COL5A2: variants seen among roughly 807,000 people sequenced by gnomAD.
COL5A2 encodes collagen type V alpha 2 chain.
COL5A2 carries 23 observed loss-of-function variants against 208.2 expected under a neutral mutation model. That is an observed-to-expected ratio of 0.11 (90% confidence interval 0.08 to 0.16). COL5A2 has a LOEUF of 0.16. COL5A2 is among the 10% of genes least tolerant of loss of function. The pLI is 1.00. For synonymous variants in COL5A2, 625 were observed against 628.5 expected (o/e 0.99, Z 0.08); for missense variants, 1,590 against 1,956.4 (o/e 0.81, Z 3.53).
At chr2:189,200,857 TC>T (rs1689060232) in intron 1 of COL5A2, among the ~76,000 whole-genome samples, 1 of 151,990 alleles carries the variant, frequency 6.6e-6, no homozygotes, top group African/African-American at 2.4e-5. Context: ...AATCAAAAAT[TC>T]TTTCCCCAGC....
At chr2:189,258,726 C>T in the COL5A2 span, among the ~76,000 whole-genome samples, 2 of 152,036 alleles carry the variant, frequency 1.3e-5, no homozygotes, top group South Asian at 4.1e-4. Flanking sequence ...TCCTCTTTCA[C>T]CTAAAAGAGG....
chr2:189,102,663 A>C (rs990529199), intron 3 of COL5A2, among the ~76,000 whole-genome samples: 4 of 152,096 alleles, frequency 2.6e-5, no homozygotes, highest in Non-Finnish European at 5.9e-5. Context: ...GGAAGCAGTT[A>C]TAGTGTTTTT....
intron 35 of COL5A2, among the ~76,000 whole-genome samples, chr2:189,055,261 A>T (rs1685878975): frequency 6.6e-6 from 1 of 152,214 alleles, no homozygotes. Flanking sequence ...TTTGAGATTT[A>T]TGGGCATAGG....
intron 1 of COL5A2, among the ~76,000 whole-genome samples, chr2:189,222,465 AC>A (rs1329357558): frequency 6.6e-6 from 1 of 152,150 alleles, no homozygotes; most frequent in Non-Finnish European, 1.5e-5. Flanking sequence ...ATATTCTCCA[AC>A]CCTTGTACGT....
chr2:189,040,625 A>C (rs1408788863), intron 50 of COL5A2, among the ~76,000 whole-genome samples: 2 of 152,090 alleles, frequency 1.3e-5, no homozygotes, highest in Non-Finnish European at 2.9e-5. Flanking sequence ...CTTCAGTGCC[A>C]ATGTTTCCTC....
At chr2:189,259,272 C>CT in the COL5A2 span, among the ~76,000 whole-genome samples, 4 of 152,178 alleles carry the variant, frequency 2.6e-5, no homozygotes, top group Non-Finnish European at 5.9e-5. Context: ...AAAAATGTGA[C>CT]TGAGTACTGT....
intron 17 of COL5A2, among the ~76,000 whole-genome samples, chr2:189,072,601 G>C (rs1686299268): frequency 6.6e-6 from 1 of 151,872 alleles, no homozygotes; most frequent in African/African-American, 2.4e-5. Flanking sequence ...GTGAAACCCA[G>C]TCTCTACTAA....
At chr2:189,304,744 A>G in the COL5A2 span, among the ~76,000 whole-genome samples, 1 of 152,184 alleles carries the variant, frequency 6.6e-6, no homozygotes, top group Non-Finnish European at 1.5e-5. Context: ...AAACTATATC[A>G]CCAGTCATTC....
the COL5A2 span, among the ~76,000 whole-genome samples, chr2:189,325,086 G>A: frequency 5.3e-5 from 8 of 151,878 alleles, no homozygotes; most frequent in South Asian, 4.2e-4. Flanking sequence ...CAAACACTGC[G>A]TGTGCTCACT....
the COL5A2 span, among the ~76,000 whole-genome samples, chr2:189,317,874 T>A: frequency 1.7e-3 from 254 of 152,306 alleles, 1 homozygote; most frequent in African/African-American, 5.7e-3. Context: ...TAAAATTGAC[T>A]AGCTGGTATT....
chr2:189,375,929 C>G, the COL5A2 span, among the ~76,000 whole-genome samples: 1 of 152,196 alleles, frequency 6.6e-6, no homozygotes, highest in African/African-American at 2.4e-5. Context: ...CACACTTCAA[C>G]TTGGCTCTCA....
the COL5A2 span, among the ~76,000 whole-genome samples, chr2:189,389,824 G>T: frequency 1.3e-5 from 2 of 152,266 alleles, no homozygotes; most frequent in African/African-American, 2.4e-5. Context: ...AATGGACAAT[G>T]TTAACTTCTT....
the COL5A2 span, among the ~76,000 whole-genome samples, chr2:189,284,877 G>A: frequency 2.6e-5 from 4 of 152,012 alleles, no homozygotes; most frequent in East Asian, 1.9e-4. Flanking sequence ...GTTGACTACT[G>A]TTCATGCCTT....
intron 1 of COL5A2, among the ~76,000 whole-genome samples, chr2:189,163,879 C>T (rs1688417025): frequency 6.6e-6 from 1 of 152,170 alleles, no homozygotes; most frequent in Non-Finnish European, 1.5e-5. Context: ...CCAAGTTAGT[C>T]CATGACAGAG....
chr2:189,044,286 T>C (rs981867878), intron 47 of COL5A2, among the ~76,000 whole-genome samples: 1 of 152,190 alleles, frequency 6.6e-6, no homozygotes, highest in African/African-American at 2.4e-5. Context: ...CCATTTATAA[T>C]AAAAAGAAGA....
At chr2:189,206,708 A>C (rs1559145717) in intron 1 of COL5A2, among the ~76,000 whole-genome samples, 1 of 152,126 alleles carries the variant, frequency 6.6e-6, no homozygotes, top group South Asian at 2.1e-4. Context: ...ATTTTGAGGA[A>C]GTTGCTTGAG....
the COL5A2 span, among the ~76,000 whole-genome samples, chr2:189,318,921 C>A: frequency 1.3e-5 from 2 of 152,116 alleles, no homozygotes; most frequent in African/African-American, 4.8e-5. Context: ...CACCCTGCAT[C>A]TGATTAAGCT....
At chr2:189,176,456 A>T (rs1045481496) in intron 1 of COL5A2, among the ~76,000 whole-genome samples, 2 of 152,182 alleles carry the variant, frequency 1.3e-5, no homozygotes, top group Non-Finnish European at 2.9e-5. Context: ...GTATTTGGAA[A>T]CAAAATGATA....
chr2:189,180,514 G>C (rs930856095), upstream of COL5A2, among the ~76,000 whole-genome samples: 2 of 152,094 alleles, frequency 1.3e-5, no homozygotes, highest in Non-Finnish European at 2.9e-5. Flanking sequence ...ACCTTTGGAT[G>C]AAAAAAGGCT....
Sources: gnomAD v4.1 joint callset for allele counts (sites outside exome capture counted in the v4.1 genomes callset) on GRCh38, gnomAD v4.1.1 for gene constraint, MANE v1.5 for transcripts, NCBI Gene and HGNC (gene_info 2026-07-23, HGNC 2026-07-21) for gene names.